AGPAT4: variants seen among roughly 807,000 people sequenced by gnomAD.
AGPAT4 encodes the protein 1-acyl-sn-glycerol-3-phosphate acyltransferase delta.
Under a neutral mutation model 48.0 loss-of-function variants are expected in AGPAT4, and 15 were observed. That is an observed-to-expected ratio of 0.31 (90% CI 0.21 to 0.48). The LOEUF (loss-of-function observed/expected upper bound fraction) is 0.48. Among genes scored for constraint, AGPAT4 ranks in the 20% least tolerant of loss-of-function variants. AGPAT4 has a pLI of 0.99. For synonymous variants in AGPAT4, 178 were observed against 198.7 expected (o/e 0.90, Z 0.88); for missense variants, 314 against 482.5 (o/e 0.65, Z 3.27).
Position 161,200,388 on chromosome 6 carries a change from CAG to C in AGPAT4, c.178+31646_178+31647del, listed in dbSNP as rs1446202910. Among the ~76,000 whole-genome samples, 2 of 152,170 alleles carry C rather than the reference CAG, an allele frequency of 1.3e-5. No homozygotes were observed. The highest frequency in any genetic ancestry group is 2.4e-5 in the African/African-American group (1 of 41,430). ...AATGATGGAGTGCGCTGTCTGAATT[CAG>C]AGAGTTTTATCTTAAATAACATGCC... is the stretch of plus-strand genomic sequence containing the variant. On this transcript the variant is annotated intron_variant, in intron 2 of 8. Coordinates refer to ENST00000320285, the MANE Select transcript of AGPAT4 (RefSeq NM_020133.3). The surrounding 1 kb of genome is among the most constrained non-coding windows in gnomAD (Gnocchi z 5.5).
chr6:161,257,538 A>G (rs542242946), intron 1 of AGPAT4, among the ~76,000 whole-genome samples: 5 of 152,320 alleles, frequency 3.3e-5, no homozygotes, highest in African/African-American at 1.2e-4. Flanking sequence ...TCATTGAACT[A>G]TACACTTAAA....
Position 161,140,950 on chromosome 6 carries a change from T to C in AGPAT4, c.844-1330A>G, listed in dbSNP as rs1397522585. On this transcript the variant is annotated intron_variant, in intron 7 of 8. Coordinates refer to ENST00000320285, the MANE Select transcript of AGPAT4 (RefSeq NM_020133.3). The surrounding 1 kb of genome is among the most constrained non-coding windows in gnomAD (Gnocchi z 6.5). Reference sequence around the variant, plus strand: ...AGTAATGTCCCAGTTCTCTAAGGAGTCGAGTTTTCTGGAAAATGAGCTTCC... The same window carrying C: ...AGTAATGTCCCAGTTCTCTAAGGAGCCGAGTTTTCTGGAAAATGAGCTTCC... 6.6e-6 allele frequency among the ~76,000 whole-genome samples: 1 copy of C among 152,054 alleles called. No homozygotes were observed. The highest frequency in any genetic ancestry group is 1.5e-5 in the Non-Finnish European group (1 of 68,010).
rs2114759249 is a variant in AGPAT4, at chr6:161,266,186, G to T, written c.-90+7752C>A. On this transcript the variant is annotated intron_variant, in intron 1 of 8. Transcript: ENST00000320285. This position sits in a 1 kb window ranked among gnomAD's most constrained non-coding sequence, Gnocchi z 6.2. ...GTGGCTGAGCATCCGATTCTGCACA[G>T]GTTGGCCTCTTCCACAATAAAGGAT... Among the ~76,000 whole-genome samples, 1 of 152,278 alleles carries T rather than the reference G, an allele frequency of 6.6e-6. No homozygotes were observed.
chr6:161,163,363 G>A (rs1309925515), intron 3 of AGPAT4, among the ~76,000 whole-genome samples: 2 of 151,508 alleles, frequency 1.3e-5, no homozygotes, highest in African/African-American at 4.8e-5. Flanking sequence ...AACATCATGT[G>A]TTATTTAAGA....
In AGPAT4 at chr6:161,219,916, C is replaced by CGGCAGGCAGGCAGGCAGGCGGCA. The variant is rs1781780942; in HGVS notation, c.178+12119_178+12120insTGCCGCCTGCCTGCCTGCCTGCC. On this transcript the variant is annotated intron_variant, in intron 2 of 8. Transcript: ENST00000320285. This position sits in a 1 kb window ranked among gnomAD's most constrained non-coding sequence, Gnocchi z 4.9. ...GCAGGCAGGCAGGCAGGCAGGCAGG[C>CGGCAGGCAGGCAGGCAGGCGGCA]GGCAGGCAGGCAGGCAGGCAGGCAG... Among the ~76,000 whole-genome samples, 1 of 105,990 alleles carries CGGCAGGCAGGCAGGCAGGCGGCA rather than the reference C, an allele frequency of 9.4e-6. No individual in the cohort carries two copies. The highest frequency in any genetic ancestry group is 2.0e-5 in the Non-Finnish European group (1 of 49,256). 69.5% of individuals were successfully genotyped at this position (105,990 alleles called of 152,430 possible). A position where few individuals can be genotyped will look rare whatever the true frequency, so the allele number is the denominator to read the frequency against.
intron 3 of AGPAT4, among the ~76,000 whole-genome samples, chr6:161,163,417 C>A (rs1779994677): frequency 6.6e-6 from 1 of 151,754 alleles, no homozygotes; most frequent in Non-Finnish European, 1.5e-5. Flanking sequence ...TTCTGAAGGT[C>A]ATTAAAGACA....
Position 161,223,446 on chromosome 6 carries a change from G to C in AGPAT4, c.178+8590C>G, listed in dbSNP as rs777416081. 6.6e-6 allele frequency among the ~76,000 whole-genome samples: 1 copy of C among 152,078 alleles called. No homozygotes were observed. The highest frequency in any genetic ancestry group is 1.5e-5 in the Non-Finnish European group (1 of 68,020). On this transcript the variant is annotated intron_variant, in intron 2 of 8. Coordinates refer to ENST00000320285, the MANE Select transcript of AGPAT4 (RefSeq NM_020133.3). The surrounding 1 kb of genome is among the most constrained non-coding windows in gnomAD (Gnocchi z 6.3). ...ATCTCAGCTCTCCTCCTCTCTGTTC[G>C]GCCTTAGGCAAGTCATCCAACCTCT...
Position 161,140,901 on chromosome 6 carries a change from A to G in AGPAT4, c.844-1281T>C, listed in dbSNP as rs2314189. Among the ~76,000 whole-genome samples, 2,622 of 151,270 alleles carry G rather than the reference A, an allele frequency of 0.017. 75 individuals carry two copies. Among genetic ancestry groups the G allele is most frequent in the African/African-American group, 0.062 (2,514 of 40,570 alleles). On this transcript the variant is annotated intron_variant, in intron 7 of 8. Coordinates refer to ENST00000320285, the MANE Select transcript of AGPAT4 (RefSeq NM_020133.3). The surrounding 1 kb of genome is among the most constrained non-coding windows in gnomAD (Gnocchi z 6.5). ...ATGGGTGTGGGTCACAGTGAGGCCC[A>G]GTTTGTGTCCCATGAACTAGCCTAG... is the stretch of plus-strand genomic sequence containing the variant.
chr6:161,154,163 G>C lies in AGPAT4; in HGVS notation c.496C>G (p.Pro166Ala). ...ATSLQHLRDY[P>A]EKYFFLIHCE... ...TGCCTACATACAAAATACTTCTCGG[G>C]GTAGTCCCGGAGGTGCTGCAAACTG... The change falls in exon 4 of 9, where the codon CCC becomes GCC. Residue 166 changes from proline (P) to alanine (A), a missense_variant. Coordinates refer to ENST00000320285, the MANE Select transcript of AGPAT4 (RefSeq NM_020133.3). The surrounding 1 kb of genome is among the most constrained non-coding windows in gnomAD (Gnocchi z 7.8). 5 of 1,614,118 alleles carry C rather than the reference G, an allele frequency of 3.1e-6. No individual in the cohort carries two copies. The highest frequency in any genetic ancestry group is 4.2e-6 in the Non-Finnish European group (5 of 1,180,020).
chr6:161,177,111 T>C lies in AGPAT4; in HGVS notation c.179-10694A>G, dbSNP rs1780450191. 6.6e-6 allele frequency among the ~76,000 whole-genome samples: 1 copy of C among 152,178 alleles called. No homozygotes were observed. On this transcript the variant is annotated intron_variant, in intron 2 of 8. Transcript: ENST00000320285. The surrounding 1 kb of genome is among the most constrained non-coding windows in gnomAD (Gnocchi z 5.0). ...ATTTCAACTTTGGTGAATCTGACAA[T>C]TATGTGTCTTAGAGTTGCTCTTCTC...
At chr6:161,227,756 CAG>C (rs1782021501) in intron 2 of AGPAT4, among the ~76,000 whole-genome samples, 1 of 152,154 alleles carries the variant, frequency 6.6e-6, no homozygotes, top group Admixed American at 6.5e-5. Flanking sequence ...CAGCGAGAAA[CAG>C]ATATCATTTT....
intron 1 of AGPAT4, among the ~76,000 whole-genome samples, chr6:161,252,766 C>CG (rs1303679503): frequency 1.3e-5 from 2 of 151,874 alleles, no homozygotes; most frequent in Non-Finnish European, 2.9e-5. Context: ...GCCAAGATCA[C>CG]GCCACTGCAT....
rs563561360 is a variant in AGPAT4 at position 161,152,520 on chromosome 6, G to C, written c.664+826C>G. On this transcript the variant is annotated intron_variant, in intron 5 of 8. Coordinates refer to ENST00000320285, the MANE Select transcript of AGPAT4 (RefSeq NM_020133.3). ...TGTTGCTCCAGAGGTCCTGGTAGGG[G>C]GTCAGCCAGGGCTGGAGAAACCAAG... Among the ~76,000 whole-genome samples the C allele has an allele frequency of 7.2e-5, 11 of 152,328 alleles. No homozygotes were observed. In the South Asian group the frequency reaches 2.3e-3, roughly 32 times the overall value.
intron 1 of AGPAT4, among the ~76,000 whole-genome samples, chr6:161,237,679 C>G (rs1782329539): frequency 6.6e-6 from 1 of 152,170 alleles, no homozygotes; most frequent in Admixed American, 6.5e-5. Flanking sequence ...ATATCTATAA[C>G]TATCTATTAT....
In AGPAT4 at chr6:161,143,295, A is replaced by G. The variant is rs942666064; in HGVS notation, c.843+3229T>C. Among the ~76,000 whole-genome samples, 1 of 152,164 alleles carries G rather than the reference A, an allele frequency of 6.6e-6. No homozygotes were observed. The highest frequency in any genetic ancestry group is 1.5e-5 in the Non-Finnish European group (1 of 68,032). ...CCATTATGTTGCCCAGACTGGTCTC[A>G]AACCCCTGGCCTCAAGTGATCCTCC... On this transcript the variant is annotated intron_variant, in intron 7 of 8. Transcript: ENST00000320285. This position sits in a 1 kb window ranked among gnomAD's most constrained non-coding sequence, Gnocchi z 4.7.
At chr6:161,213,538 T>G in intron 2 of AGPAT4, among the ~76,000 whole-genome samples, 1 of 152,206 alleles carries the variant, frequency 6.6e-6, no homozygotes, top group East Asian at 1.9e-4. Flanking sequence ...TTCCCAATTT[T>G]TCCTAATTTG....
At chr6:161,174,826 T>C (rs1159631510) in intron 2 of AGPAT4, among the ~76,000 whole-genome samples, 1 of 152,216 alleles carries the variant, frequency 6.6e-6, no homozygotes, top group African/African-American at 2.4e-5. Context: ...GTCCCATCAA[T>C]ACCTAGTTTA....
chr6:161,242,362 C>T lies in AGPAT4; in HGVS notation c.-89-10060G>A, dbSNP rs972684655. Reference sequence around the variant, plus strand: ...CAGCCTTCCGGGACGCCTGGGATTTCAGTCCATGGTCTTGTTTCTGACTGT... The same window carrying T: ...CAGCCTTCCGGGACGCCTGGGATTTTAGTCCATGGTCTTGTTTCTGACTGT... On this transcript the variant is annotated intron_variant, in intron 1 of 8. Coordinates refer to ENST00000320285, the MANE Select transcript of AGPAT4 (RefSeq NM_020133.3). The surrounding 1 kb of genome is among the most constrained non-coding windows in gnomAD (Gnocchi z 5.0). Among the ~76,000 whole-genome samples, 2 of 152,190 alleles carry T rather than the reference C, an allele frequency of 1.3e-5. No homozygotes were observed. The highest frequency in any genetic ancestry group is 2.9e-5 in the Non-Finnish European group (2 of 68,032).
intron 1 of AGPAT4, among the ~76,000 whole-genome samples, chr6:161,256,631 A>T (rs1358978558): frequency 6.6e-6 from 1 of 152,226 alleles, no homozygotes; most frequent in Non-Finnish European, 1.5e-5. Flanking sequence ...TCCCTGAAGC[A>T]GGCTCGGGAG....
Sources: allele counts gnomAD v4.1 joint callset (sites outside exome capture counted in the v4.1 genomes callset), GRCh38; gene constraint gnomAD v4.1.1; non-coding constraint Gnocchi (gnomAD v3.1); transcripts MANE v1.5; gene names NCBI Gene and HGNC (gene_info 2026-07-23, HGNC 2026-07-21).